Variants in RIN3 observed in about 807,000 individuals in gnomAD.
RIN3 encodes the protein RAB5 interacting protein 3.
A neutral mutation model predicts 76.3 loss-of-function variants in RIN3; 54 were observed. The observed-to-expected ratio is 0.71, with a 90% CI of 0.57 to 0.89. The LOEUF is 0.89. RIN3 is among the 40% of genes least tolerant of loss of function. The probability of loss-of-function intolerance (pLI) is 0.00; values close to 1 mark genes in which losing one functional copy is unlikely to be tolerated. For synonymous variants in RIN3, 576 were observed against 564.0 expected, an observed-to-expected ratio of 1.02 and a Z score of -0.30; for missense variants, 1,256 against 1,322.1, an observed-to-expected ratio of 0.95 and a Z score of 0.78.
intron 3 of RIN3, among the ~76,000 whole-genome samples, chr14:92,606,219 G>A (rs1240605615): frequency 1.3e-5 from 2 of 150,992 alleles, no homozygotes; most frequent in Non-Finnish European, 2.9e-5. Flanking sequence ...TCACATATCT[G>A]ACAAAAAATG....
At chr14:92,636,441 A>C (rs1886780067) in intron 4 of RIN3, among the ~76,000 whole-genome samples, 1 of 152,092 alleles carries the variant, frequency 6.6e-6, no homozygotes, top group Non-Finnish European at 1.5e-5. Context: ...AAAATTAGCC[A>C]GGCGTGGTGG....
At chr14:92,532,689 G>A (rs1236746893) in intron 1 of RIN3, among the ~76,000 whole-genome samples, 1 of 152,212 alleles carries the variant, frequency 6.6e-6, no homozygotes, top group Admixed American at 6.5e-5. Context: ...GGACAGAGGC[G>A]GGGGTCACGG....
At chr14:92,579,974 G>A (rs1291163536) in intron 3 of RIN3, among the ~76,000 whole-genome samples, 1 of 152,224 alleles carries the variant, frequency 6.6e-6, no homozygotes, top group Non-Finnish European at 1.5e-5. Flanking sequence ...TTCAATTGAA[G>A]GTTAATCTTC....
intron 3 of RIN3, among the ~76,000 whole-genome samples, chr14:92,611,795 C>A (rs1885748924): frequency 6.6e-6 from 1 of 152,126 alleles, no homozygotes; most frequent in African/African-American, 2.4e-5. Context: ...TGTTGCATTG[C>A]TATAAAGAAA....
At chr14:92,628,009 C>T (rs961455793) in intron 4 of RIN3, among the ~76,000 whole-genome samples, 3 of 152,196 alleles carry the variant, frequency 2.0e-5, no homozygotes, top group African/African-American at 7.2e-5. Context: ...CCCCTGTGGG[C>T]TGGGGTCGGA....
chr14:92,513,852 C>A lies in RIN3; in HGVS notation c.-81C>A. The A allele has an allele frequency of 9.5e-7, 1 of 1,057,144 alleles. No individual in the cohort carries two copies. The highest frequency in any genetic ancestry group is 1.2e-6 in the Non-Finnish European group (1 of 825,230). The allele number at this position is 1,057,144 out of a possible 1,614,324, so 65.5% of individuals were successfully genotyped here. A position where few individuals can be genotyped will look rare whatever the true frequency, so the allele number is the denominator to read the frequency against. On this transcript the variant is annotated 5_prime_UTR_variant, in exon 1 of 10. Transcript: ENST00000216487. ...CCTTCCAGAGGGCCAGAGCCAGGGACATGCGGGCGCCCGGGACTCCGCGTT... is the reference window on the plus strand; with the variant it reads ...CCTTCCAGAGGGCCAGAGCCAGGGAAATGCGGGCGCCCGGGACTCCGCGTT...
At position 92,614,051 on chromosome 14, in the gene RIN3, C is replaced by T. The variant is rs543422518; in HGVS notation, c.368-1356C>T. ...TCCCAAGCAGGGCAGAGCATGGTGC[C>T]GTGTTCTCCACTGGTCAGTCTGGCC... On this transcript the variant is annotated intron_variant, in intron 3 of 9. Transcript: ENST00000216487. 1.1e-4 allele frequency among the ~76,000 whole-genome samples: 16 copies of T among 152,336 alleles called. No homozygotes were observed. In the South Asian group the frequency reaches 3.1e-3, roughly 30 times the overall value.
intron 6 of RIN3, among the ~76,000 whole-genome samples, chr14:92,654,894 G>A (rs1485876053): frequency 6.6e-6 from 1 of 152,168 alleles, no homozygotes; most frequent in African/African-American, 2.4e-5. Context: ...AGTAGGGCCG[G>A]GTGCAGTGGC....
At chr14:92,663,447 G>A (rs1887960803) in intron 7 of RIN3, among the ~76,000 whole-genome samples, 2 of 152,364 alleles carry the variant, frequency 1.3e-5, no homozygotes, top group East Asian at 1.9e-4. Flanking sequence ...GCAAGAGGGA[G>A]GGAGGCCGGA....
chr14:92,534,370 A>G (rs1896947833), intron 1 of RIN3, among the ~76,000 whole-genome samples: 1 of 151,696 alleles, frequency 6.6e-6, no homozygotes, highest in East Asian at 1.9e-4. Context: ...ACTTGAGGTC[A>G]GGAGTTCGAA....
intron 3 of RIN3, among the ~76,000 whole-genome samples, chr14:92,580,238 A>G (rs1430128500): frequency 2.0e-5 from 3 of 152,224 alleles, no homozygotes; most frequent in Non-Finnish European, 4.4e-5. Context: ...GTGTGGTGGC[A>G]TGCACCTGTA....
At chr14:92,659,590 C>T in intron 7 of RIN3, 121 bp downstream of exon 7, 1 of 938,208 alleles carries the variant, frequency 1.1e-6, no homozygotes, top group Non-Finnish European at 1.6e-6. Context: ...TCAGAGCCCC[C>T]TTGGGGAGGA....
intron 1 of RIN3, among the ~76,000 whole-genome samples, chr14:92,542,082 G>A (rs192741491): frequency 1.3e-5 from 2 of 152,202 alleles, no homozygotes; most frequent in African/African-American, 2.4e-5. Flanking sequence ...TGCTTGAGTC[G>A]AGGAGTTTGA....
rs1332351597 is a variant in RIN3 at position 92,544,179 on chromosome 14, A to G, written c.45-11572A>G. Among the ~76,000 whole-genome samples the G allele has an allele frequency of 3.9e-5, 6 of 152,092 alleles. No individual in the cohort carries two copies. In the East Asian group the frequency reaches 9.6e-4, roughly 24 times the overall value. On this transcript the variant is annotated intron_variant, in intron 1 of 9. Transcript: ENST00000216487. ...ACTCTGAGGCTCAAAGAGGTAGAGG[A>G]GCTCAGGAGGATCACAGGCCCTATC... is the stretch of plus-strand genomic sequence containing the variant.
rs1442869614 is a variant in RIN3, at chr14:92,685,967, T to A, written c.2631+817T>A. 6.6e-6 allele frequency: 1 copy of A among 152,450 alleles called. No homozygotes were observed. The allele number at this position is 152,450 out of a possible 1,614,324, so 9.4% of individuals were successfully genotyped here. ...TCCTATCATCCTCTGCATATGAAGC[T>A]GTCACCTCTGGGAGGGCACAGCCCA... On this transcript the variant is annotated intron_variant, in intron 9 of 9. Transcript: ENST00000216487. This position sits in a 1 kb window ranked among gnomAD's most constrained non-coding sequence, Gnocchi z 4.7.
In RIN3 at chr14:92,652,357, A is replaced by C. The variant is rs138284301; in HGVS notation, c.1308A>C (p.Thr436=). Residue 436 remains threonine, a synonymous_variant, in exon 6 of 10, where the codon ACA becomes ACC. Coordinates refer to ENST00000216487, the MANE Select transcript of RIN3 (RefSeq NM_024832.5). The surrounding 1 kb of genome is among the most constrained non-coding windows in gnomAD (Gnocchi z 6.4). ...PRESTEQGQD[T]EVKASDPHSM... is the part of the protein sequence containing the mutation. ...AGAGCACGGAGCAAGGCCAGGACACAGAGGTGAAAGCCAGCGATCCTCACA... is the reference window on the plus strand; with the variant it reads ...AGAGCACGGAGCAAGGCCAGGACACCGAGGTGAAAGCCAGCGATCCTCACA... The C allele has an allele frequency of 1.6e-5, 25 of 1,607,450 alleles. No homozygotes were observed. Among genetic ancestry groups the C allele is most frequent in the Non-Finnish European group, 2.1e-5 (25 of 1,176,380 alleles).
At chr14:92,651,225 A>T (rs1005886535) in intron 5 of RIN3, among the ~76,000 whole-genome samples, 3 of 151,928 alleles carry the variant, frequency 2.0e-5, no homozygotes, top group Admixed American at 1.3e-4. Context: ...TGCTCTCACC[A>T]TGCCTTCCCC....
At chr14:92,677,722 G>A (rs1888518730) in intron 8 of RIN3, among the ~76,000 whole-genome samples, 1 of 151,926 alleles carries the variant, frequency 6.6e-6, no homozygotes, top group African/African-American at 2.4e-5. Context: ...ATGGTTATCT[G>A]CTGCCCAGTG....
At chr14:92,639,454 A>G (rs1197850808) in intron 4 of RIN3, among the ~76,000 whole-genome samples, 1 of 152,214 alleles carries the variant, frequency 6.6e-6, no homozygotes, top group Non-Finnish European at 1.5e-5. Flanking sequence ...CAGAGGAGGA[A>G]ATGGCTTCAG....
Sources: allele counts gnomAD v4.1 joint callset (sites outside exome capture counted in the v4.1 genomes callset), GRCh38; gene constraint gnomAD v4.1.1; non-coding constraint Gnocchi (gnomAD v3.1); transcripts MANE v1.5; gene names NCBI Gene and HGNC (gene_info 2026-07-23, HGNC 2026-07-21).